Variants in BMPR2 observed in about 807,000 individuals in gnomAD.
BMPR2 encodes the protein bone morphogenetic protein receptor type-2.
In BMPR2, 29 loss-of-function variants were observed where a neutral mutation model predicts 100.8. That is an observed-to-expected ratio of 0.29 (90% CI 0.21 to 0.39). The LOEUF (loss-of-function observed/expected upper bound fraction) is 0.39, where lower values mean the gene tolerates loss of function less well. BMPR2 is among the 10% of genes least tolerant of loss of function. The pLI is 1.00. For synonymous variants in BMPR2, 382 were observed against 442.3 expected, an observed-to-expected ratio of 0.86 and a Z score of 1.71; for missense variants, 1,011 against 1,274.5, an observed-to-expected ratio of 0.79 and a Z score of 3.15.
At chr2:202,488,108 C>G (rs939074680) in intron 3 of BMPR2, among the ~76,000 whole-genome samples, 1 of 152,186 alleles carries the variant, frequency 6.6e-6, no homozygotes, top group Non-Finnish European at 1.5e-5. Context: ...TGAATACACA[C>G]TATGCATGCA....
intron 1 of BMPR2, among the ~76,000 whole-genome samples, chr2:202,409,456 C>T (rs1043339458): frequency 6.6e-6 from 1 of 152,174 alleles, no homozygotes; most frequent in Non-Finnish European, 1.5e-5. Flanking sequence ...TGGCTCATGA[C>T]TGTAATCCTA....
intron 1 of BMPR2, among the ~76,000 whole-genome samples, chr2:202,383,287 C>T (rs1008319573): frequency 6.6e-6 from 1 of 152,158 alleles, no homozygotes; most frequent in Non-Finnish European, 1.5e-5. Context: ...TGGCTCACAC[C>T]TATAATCCCA....
At chr2:202,502,890 C>T (rs1389413290) in intron 3 of BMPR2, among the ~76,000 whole-genome samples, 1 of 152,234 alleles carries the variant, frequency 6.6e-6, no homozygotes, top group Admixed American at 6.5e-5. Flanking sequence ...TTTCTAGGTC[C>T]TGTGGCAGCC....
chr2:202,504,624 A>G (rs1687482427), intron 3 of BMPR2, among the ~76,000 whole-genome samples: 1 of 152,038 alleles, frequency 6.6e-6, no homozygotes, highest in South Asian at 2.1e-4. Context: ...CACACTACCA[A>G]TAAAAGGAAG....
chr2:202,555,467 C>G lies in BMPR2; in HGVS notation c.1802C>G (p.Pro601Arg), dbSNP rs771118377. ...RQQAQARIPS[P>R]ETSVTSLSTN... ...CAAGCACAAGCTCGAATCCCCAGCC[C>G]TGAAACAAGTGTCACCAGCCTCTCC... The change falls in exon 12 of 13, where the codon CCT becomes CGT. Residue 601 changes from proline to arginine, a missense_variant. Around this residue, in one of 6 missense-constraint regions of BMPR2, gnomAD observed 508 missense variants for 552.0 expected, o/e 0.92. Coordinates refer to ENST00000374580, the MANE Select transcript of BMPR2 (RefSeq NM_001204.7). The G allele has an allele frequency of 3.7e-6, 6 of 1,614,120 alleles. No homozygotes were observed. In the Admixed American group the frequency reaches 1.0e-4, roughly 27 times the overall value.
intron 3 of BMPR2, among the ~76,000 whole-genome samples, chr2:202,477,924 C>T (rs1246981349): frequency 1.3e-5 from 2 of 152,148 alleles, no homozygotes; most frequent in Non-Finnish European, 2.9e-5. Context: ...CCTCATTGTT[C>T]CTGAATTCCG....
chr2:202,385,685 A>G (rs1574420270), intron 1 of BMPR2, among the ~76,000 whole-genome samples: 1 of 147,540 alleles, frequency 6.8e-6, no homozygotes, highest in Non-Finnish European at 1.5e-5. Context: ...AAAAGCATGT[A>G]TTTTTATATG....
intron 3 of BMPR2, among the ~76,000 whole-genome samples, chr2:202,471,525 A>G (rs1692437391): frequency 6.6e-6 from 1 of 152,228 alleles, no homozygotes; most frequent in African/African-American, 2.4e-5. Context: ...CATAACTAAT[A>G]TAGTACTATA....
intron 1 of BMPR2, among the ~76,000 whole-genome samples, chr2:202,397,088 T>C (rs1690670470): frequency 6.6e-6 from 1 of 152,078 alleles, no homozygotes; most frequent in Admixed American, 6.6e-5. Context: ...TGAGCCACCG[T>C]GCCCAGCCTG....
intron 7 of BMPR2, among the ~76,000 whole-genome samples, chr2:202,524,534 C>G (rs1166223301): frequency 1.3e-5 from 2 of 152,050 alleles, no homozygotes; most frequent in Non-Finnish European, 2.9e-5. Context: ...ACCTGAAATC[C>G]CAACACTTTG....
At chr2:202,469,732 C>T (rs1017427747) in intron 3 of BMPR2, among the ~76,000 whole-genome samples, 20 of 152,018 alleles carry the variant, frequency 1.3e-4, no homozygotes, top group Non-Finnish European at 2.5e-4. Context: ...ATCCGCCCAC[C>T]TCGGCCTCCC....
At chr2:202,396,260 T>C (rs1003044721) in intron 1 of BMPR2, among the ~76,000 whole-genome samples, 2 of 152,204 alleles carry the variant, frequency 1.3e-5, no homozygotes, top group Non-Finnish European at 2.9e-5. Flanking sequence ...CTGAGGGTGG[T>C]GATGAAGGCT....
intron 11 of BMPR2, among the ~76,000 whole-genome samples, chr2:202,553,329 TC>T (rs1381674008): frequency 1.3e-5 from 2 of 152,164 alleles, no homozygotes; most frequent in Non-Finnish European, 1.5e-5. Flanking sequence ...TTTGTAGACT[TC>T]CTATCTAATG....
intron 7 of BMPR2, among the ~76,000 whole-genome samples, chr2:202,523,988 T>C (rs1687863164): frequency 6.6e-6 from 1 of 152,062 alleles, no homozygotes; most frequent in African/African-American, 2.4e-5. Flanking sequence ...AAACATCGGG[T>C]ACTCATGGAC....
intron 3 of BMPR2, among the ~76,000 whole-genome samples, chr2:202,498,285 C>T (rs1693086638): frequency 1.3e-5 from 2 of 152,192 alleles, no homozygotes; most frequent in African/African-American, 2.4e-5. Context: ...TTCAAGAATG[C>T]GTCGGTAAGG....
intron 9 of BMPR2, among the ~76,000 whole-genome samples, chr2:202,535,414 G>A (rs894067043): frequency 3.3e-5 from 5 of 150,764 alleles, no homozygotes; most frequent in South Asian, 4.2e-4. Flanking sequence ...ACGGGGTCTC[G>A]GCTGGGCAGA....
intron 10 of BMPR2, among the ~76,000 whole-genome samples, chr2:202,543,955 G>A (rs1017778053): frequency 1.8e-4 from 27 of 152,036 alleles, no homozygotes; most frequent in Non-Finnish European, 1.5e-4. Flanking sequence ...GCTGCAGTGA[G>A]CTATGATCAC....
At chr2:202,498,618 G>T (rs976478645) in intron 3 of BMPR2, among the ~76,000 whole-genome samples, 2 of 152,166 alleles carry the variant, frequency 1.3e-5, no homozygotes, top group Non-Finnish European at 2.9e-5. Flanking sequence ...ACCACGGGCG[G>T]TTTTGTCTTT....
intron 1 of BMPR2, among the ~76,000 whole-genome samples, chr2:202,378,391 T>A (rs1690199933): frequency 6.6e-6 from 1 of 152,214 alleles, no homozygotes. Context: ...AGGAGTGAAT[T>A]CTACATATAA....
Sources: allele counts gnomAD v4.1 joint callset (sites outside exome capture counted in the v4.1 genomes callset), GRCh38; gene constraint gnomAD v4.1.1; regional missense constraint gnomAD v4.1.1; transcripts MANE v1.5; gene names NCBI Gene and HGNC (gene_info 2026-07-23, HGNC 2026-07-21).